TUBGCP5: variants seen among roughly 807,000 people sequenced by gnomAD.
The protein encoded by TUBGCP5 is gamma-tubulin complex component 5.
Under a neutral mutation model 134.7 loss-of-function variants are expected in TUBGCP5, and 98 were observed. The observed-to-expected ratio is 0.73, with a 90% CI of 0.62 to 0.86. The LOEUF (loss-of-function observed/expected upper bound fraction) is 0.86. Among genes scored for constraint, TUBGCP5 ranks in the 40% least tolerant of loss-of-function variants. The pLI, the probability that TUBGCP5 is intolerant of heterozygous loss-of-function variation, is 0.00. For synonymous variants in TUBGCP5, 456 were observed against 431.4 expected, an observed-to-expected ratio of 1.06 and a Z score of -0.71; for missense variants, 1,150 against 1,244.8, an observed-to-expected ratio of 0.92 and a Z score of 1.15.
intron 13 of TUBGCP5, among the ~76,000 whole-genome samples, chr15:23,016,969 G>GATAGATATATATATATATAT (rs1555439438): frequency 9.1e-6 from 1 of 109,396 alleles, no homozygotes; most frequent in Non-Finnish European, 1.9e-5. Context: ...AAAATTGTGA[G>GATAGATATATATATATATAT]ATATATATAT....
At chr15:23,028,379 TAA>T (rs762310901) in intron 6 of TUBGCP5, among the ~76,000 whole-genome samples, 9,182 of 90,854 alleles carry the variant, frequency 0.1, 524 homozygotes, top group East Asian at 0.43. Context: ...GGCCCGGTCT[TAA>T]AAAAAAAAAA....
intron 6 of TUBGCP5, among the ~76,000 whole-genome samples, chr15:23,028,379 TAAAAAAAA>T (rs762310901): frequency 1.1e-5 from 1 of 91,070 alleles, no homozygotes; most frequent in African/African-American, 4.5e-5. Flanking sequence ...GGCCCGGTCT[TAAAAAAAA>T]AAAAAAAAAA....
At chr15:22,997,164 A>C (rs1022219538), downstream of TUBGCP5, among the ~76,000 whole-genome samples, 1 of 151,782 alleles carries the variant, frequency 6.6e-6, no homozygotes, top group Non-Finnish European at 1.5e-5. Flanking sequence ...GGTGATGTCC[A>C]ATTCACCAAT....
intron 23 of TUBGCP5, among the ~76,000 whole-genome samples, chr15:22,992,960 G>C (rs1239754252): frequency 3.9e-5 from 6 of 152,008 alleles, no homozygotes; most frequent in Admixed American, 3.9e-4. Context: ...AAAAAAAGGA[G>C]ACAGAATTAA....
chr15:23,002,852 A>T (rs973870633), intron 21 of TUBGCP5, among the ~76,000 whole-genome samples: 9 of 152,086 alleles, frequency 5.9e-5, no homozygotes, highest in African/African-American at 1.9e-4. Context: ...TCAGATTTTT[A>T]AAAATGTTTT....
At chr15:23,034,824 C>A (rs1176253415) in intron 3 of TUBGCP5, among the ~76,000 whole-genome samples, 1 of 151,524 alleles carries the variant, frequency 6.6e-6, no homozygotes, top group Non-Finnish European at 1.5e-5. Context: ...AAGATTCCGT[C>A]TCAAAAAACA....
rs544663825 is a variant in TUBGCP5 at position 23,021,576 on chromosome 15, C to G, written c.1371+383G>C. Among the ~76,000 whole-genome samples, 9 of 152,254 alleles carry G rather than the reference C, an allele frequency of 5.9e-5. No individual in the cohort carries two copies. In the South Asian group the frequency reaches 1.7e-3, roughly 28 times the overall value. On this transcript the variant is annotated intron_variant, in intron 11 of 22. Coordinates refer to ENST00000615383, the MANE Select transcript of TUBGCP5 (RefSeq NM_052903.6). ...ATGTTATAAAACTGAAACTCTGTAC[C>G]CATTAAACAACAGCTCCCCATTCCC...
chr15:22,989,473 C>G (rs1466092812), intron 23 of TUBGCP5, among the ~76,000 whole-genome samples: 2 of 115,942 alleles, frequency 1.7e-5, no homozygotes, highest in Admixed American at 8.1e-5. Flanking sequence ...CACAACCCAC[C>G]CCCTGTTAAC....
At chr15:23,020,960 T>C (rs1285915084) in intron 11 of TUBGCP5, among the ~76,000 whole-genome samples, 2 of 152,014 alleles carry the variant, frequency 1.3e-5, no homozygotes, top group Admixed American at 6.5e-5. Flanking sequence ...AGTGGTGCGA[T>C]CTCGGCTCAC....
At chr15:23,029,039 A>G (rs1214064851) in intron 6 of TUBGCP5, among the ~76,000 whole-genome samples, 4 of 152,178 alleles carry the variant, frequency 2.6e-5, no homozygotes, top group African/African-American at 9.7e-5. Context: ...AATAAAAACT[A>G]TAACATATGT....
At chr15:23,029,384 G>C (rs1595897369) in intron 6 of TUBGCP5, among the ~76,000 whole-genome samples, 1 of 152,090 alleles carries the variant, frequency 6.6e-6, no homozygotes, top group East Asian at 1.9e-4. Flanking sequence ...ACTATGCCCA[G>C]CTAATTTTGT....
At chr15:23,018,566 T>C (rs748517448) in intron 12 of TUBGCP5, among the ~76,000 whole-genome samples, 33 of 152,184 alleles carry the variant, frequency 2.2e-4, no homozygotes, top group Admixed American at 8.5e-4. Context: ...TGCATACATA[T>C]TGCTACCCTT....
At position 23,000,795 on chromosome 15, in the gene TUBGCP5, T is replaced by G. The variant is rs915120745; in HGVS notation, c.2928-126A>C. 7 of 706,792 alleles carry G rather than the reference T, an allele frequency of 9.9e-6. No individual in the cohort carries two copies. The Admixed American group carries it at 2.3e-4, about 23-fold the overall frequency. The allele number at this position is 706,792 out of a possible 1,614,324, so 43.8% of individuals were successfully genotyped here. ...TATTTAAAATCCTAAATCTAAAGAT[T>G]ATAAAATAAAACACATAACGTCCTA... On this transcript the variant is annotated intron_variant, in intron 21 of 22. Coordinates refer to ENST00000615383, the MANE Select transcript of TUBGCP5 (RefSeq NM_052903.6).
At chr15:22,984,618 TA>T (rs397763063) in intron 23 of TUBGCP5, among the ~76,000 whole-genome samples, 6 of 149,992 alleles carry the variant, frequency 4.0e-5, no homozygotes, top group South Asian at 2.1e-4. Context: ...GACTCCGTGT[TA>T]AAAAAAAAAT....
At chr15:22,991,225 G>A (rs761716572) in intron 23 of TUBGCP5, among the ~76,000 whole-genome samples, 1 of 151,962 alleles carries the variant, frequency 6.6e-6, no homozygotes, top group Non-Finnish European at 1.5e-5. Flanking sequence ...AGCCTCTTGA[G>A]TAGCTGGGAT....
chr15:23,012,642 G>A (rs1176420569), intron 13 of TUBGCP5, among the ~76,000 whole-genome samples: 3 of 152,122 alleles, frequency 2.0e-5, no homozygotes, highest in Non-Finnish European at 4.4e-5. Context: ...TCCTGACCTC[G>A]TGATCTGCCT....
chr15:23,005,385 T>C, intron 19 of TUBGCP5, 47 bp downstream of exon 19: 1 of 1,591,316 alleles, frequency 6.3e-7, no homozygotes. Flanking sequence ...TACGAACAAC[T>C]GTATAGATAC....
At chr15:22,999,897 A>G (rs764158846) in intron 22 of TUBGCP5, 31 bp from the exon 23 acceptor site, 2 of 1,608,864 alleles carry the variant, frequency 1.2e-6, no homozygotes, top group Non-Finnish European at 1.7e-6. Context: ...AGGTTAAAAC[A>G]ATAGGTTTAA....
At chr15:23,023,856 C>T in intron 10 of TUBGCP5, 91 bp downstream of exon 10, 1 of 1,301,264 alleles carries the variant, frequency 7.7e-7, no homozygotes. Context: ...ATCTGCTAGG[C>T]AACTTTCAAA....
Sources: allele counts gnomAD v4.1 joint callset (sites outside exome capture counted in the v4.1 genomes callset), GRCh38; gene constraint gnomAD v4.1.1; transcripts MANE v1.5; gene names NCBI Gene and HGNC (gene_info 2026-07-23, HGNC 2026-07-21).